Variants in SDHB observed in about 807,000 individuals in gnomAD.
The protein encoded by SDHB is succinate dehydrogenase [ubiquinone] iron-sulfur subunit, mitochondrial.
A neutral mutation model predicts 39.7 loss-of-function variants in SDHB; 21 were observed. The ratio of observed to expected loss-of-function variants is 0.53; its 90% confidence interval spans 0.37 to 0.76. SDHB has a LOEUF of 0.76. Ranked by LOEUF, SDHB falls within the 30% of genes least tolerant of loss-of-function variation. The pLI, the probability that SDHB is intolerant of heterozygous loss-of-function variation, is 0.00. For synonymous variants in SDHB, 118 were observed against 117.0 expected, an observed-to-expected ratio of 1.01 and a Z score of -0.06; for missense variants, 343 against 350.9, an observed-to-expected ratio of 0.98 and a Z score of 0.18.
chr1:17,036,374 G>A (rs557518572), intron 2 of SDHB, among the ~76,000 whole-genome samples: 1 of 152,072 alleles, frequency 6.6e-6, no homozygotes, highest in South Asian at 2.1e-4. Context: ...GCAGTGTTGT[G>A]ATCACAGCTC....
intron 7 of SDHB, among the ~76,000 whole-genome samples, chr1:17,022,253 T>C (rs985512269): frequency 3.3e-5 from 5 of 152,194 alleles, no homozygotes; most frequent in African/African-American, 7.2e-5. Flanking sequence ...GCGAGAAAGA[T>C]GGAGAAGAAA....
chr1:17,022,244 C>A (rs1388694864), intron 7 of SDHB, among the ~76,000 whole-genome samples: 1 of 152,214 alleles, frequency 6.6e-6, no homozygotes, highest in Non-Finnish European at 1.5e-5. Context: ...GCTGACATCG[C>A]GAGAAAGATG....
In SDHB at chr1:17,029,093, GTTTTTTTTTTTTTT is replaced by G. The variant is rs746243819; in HGVS notation, c.287-371_287-358del. On this transcript the variant is annotated intron_variant, in intron 3 of 7. Coordinates refer to ENST00000375499, the MANE Select transcript of SDHB (RefSeq NM_003000.3). Reference sequence around the variant, plus strand: ...ACGTGTTTTGAAGAAAAATCAGCCTGTTTTTTTTTTTTTTTTTTTTTTTTTTTTTAAAGAAAGGG... The same window carrying G: ...ACGTGTTTTGAAGAAAAATCAGCCTGTTTTTTTTTTTTTTTAAAGAAAGGG... Among the ~76,000 whole-genome samples the G allele has an allele frequency of 5.4e-3, 392 of 72,042 alleles. 6 individuals are homozygous for G. Among genetic ancestry groups the G allele is most frequent in the Non-Finnish European group, 6.8e-3 (287 of 42,028 alleles). 47.3% of individuals were successfully genotyped at this position (72,042 alleles called of 152,430 possible). A position where few individuals can be genotyped will look rare whatever the true frequency, so the allele number is the denominator to read the frequency against.
At chr1:17,042,610 T>C (rs1326519417) in intron 2 of SDHB, among the ~76,000 whole-genome samples, 6 of 152,082 alleles carry the variant, frequency 3.9e-5, no homozygotes, top group Admixed American at 3.3e-4. Context: ...AAACTCAATT[T>C]CTACAAAAAA....
chr1:17,021,302 G>C (rs1361550339), intron 7 of SDHB, among the ~76,000 whole-genome samples: 1 of 152,230 alleles, frequency 6.6e-6, no homozygotes, highest in Non-Finnish European at 1.5e-5. Flanking sequence ...GTTTGGATTA[G>C]TCAGGTGTGG....
intron 1 of SDHB, among the ~76,000 whole-genome samples, chr1:17,053,129 C>T (rs1281057322): frequency 2.0e-5 from 3 of 152,130 alleles, no homozygotes; most frequent in African/African-American, 7.2e-5. Flanking sequence ...AATTTCCCTT[C>T]CCCTTCTAAA....
At chr1:17,039,143 T>C (rs562471407) in intron 2 of SDHB, among the ~76,000 whole-genome samples, 1 of 152,276 alleles carries the variant, frequency 6.6e-6, no homozygotes, top group South Asian at 2.1e-4. Context: ...TTTAGGTCTA[T>C]CATTTTACTA....
intron 2 of SDHB, among the ~76,000 whole-genome samples, chr1:17,043,517 T>C (rs2078092789): frequency 6.6e-6 from 1 of 152,182 alleles, no homozygotes; most frequent in African/African-American, 2.4e-5. Flanking sequence ...AAGCTTTTGT[T>C]TGAAACAAAT....
intron 2 of SDHB, among the ~76,000 whole-genome samples, chr1:17,042,383 C>T (rs905345931): frequency 2.0e-5 from 3 of 152,016 alleles, no homozygotes; most frequent in Non-Finnish European, 4.4e-5. Context: ...TATTTTTTTC[C>T]GGAGTTGATC....
At chr1:17,041,540 T>C (rs1258626384) in intron 2 of SDHB, among the ~76,000 whole-genome samples, 2 of 151,972 alleles carry the variant, frequency 1.3e-5, no homozygotes, top group Non-Finnish European at 2.9e-5. Context: ...CGCGCGCCTG[T>C]AGTCCCAGCT....
At chr1:17,053,835 C>A in intron 1 of SDHB, 113 bp downstream of exon 1, 2 of 781,442 alleles carry the variant, frequency 2.6e-6, no homozygotes, top group South Asian at 2.9e-5. Context: ...AGGAGGTCCT[C>A]CATCTCCCTG....
intron 5 of SDHB, among the ~76,000 whole-genome samples, chr1:17,024,794 G>A (rs964782818): frequency 1.3e-5 from 2 of 152,090 alleles, no homozygotes; most frequent in East Asian, 1.9e-4. Context: ...AACACAAACC[G>A]GACTTTCTGA....
Position 17,053,930 on chromosome 1 carries a change from T to C in SDHB, c.72+18A>G, listed in dbSNP as rs758905319. The C allele has an allele frequency of 1.2e-6, 2 of 1,605,636 alleles. No individual in the cohort carries two copies. Among genetic ancestry groups the C allele is most frequent in the Admixed American group, 3.3e-5 (2 of 59,766 alleles). On this transcript the variant is annotated intron_variant, in intron 1 of 7. Transcript: ENST00000375499. ...GTGGCTTTCCTGACTTTTCCCTCTC[T>C]GAGGCTCCAGGACTCACCTGCAGGC...
chr1:17,021,856 T>C (rs2077963657), intron 7 of SDHB, among the ~76,000 whole-genome samples: 2 of 152,234 alleles, frequency 1.3e-5, no homozygotes, highest in Non-Finnish European at 2.9e-5. Context: ...CGCCAGCCTC[T>C]AGAGCTGTGC....
intron 3 of SDHB, among the ~76,000 whole-genome samples, chr1:17,031,089 G>A (rs1471321030): frequency 2.6e-5 from 4 of 151,526 alleles, no homozygotes; most frequent in African/African-American, 7.3e-5. Context: ...GCGCCCAGTC[G>A]GTTATCACTT....
Position 17,024,968 on chromosome 1 carries a change from C to T in SDHB, c.541-894G>A, listed in dbSNP as rs2077983583. 1.3e-5 allele frequency among the ~76,000 whole-genome samples: 2 copies of T among 152,198 alleles called. 1 individual carries two copies. Among genetic ancestry groups the T allele is most frequent in the South Asian group, 4.1e-4 (2 of 4,832 alleles). Reference sequence around the variant, plus strand: ...TCCAGACAGCTGGTGGGAGTGTCAACTGGCCCCACTGGTCTAGAAGGCATA... The same window carrying T: ...TCCAGACAGCTGGTGGGAGTGTCAATTGGCCCCACTGGTCTAGAAGGCATA... On this transcript the variant is annotated intron_variant, in intron 5 of 7. Coordinates refer to ENST00000375499, the MANE Select transcript of SDHB (RefSeq NM_003000.3).
intron 1 of SDHB, among the ~76,000 whole-genome samples, chr1:17,053,227 T>C (rs1330576183): frequency 6.6e-6 from 1 of 152,168 alleles, no homozygotes; most frequent in Non-Finnish European, 1.5e-5. Flanking sequence ...CACGGCATAG[T>C]AATAAACAAG....
chr1:17,034,118 G>T (rs190983071), intron 2 of SDHB, among the ~76,000 whole-genome samples: 19 of 151,734 alleles, frequency 1.3e-4, no homozygotes, highest in Admixed American at 1.1e-3. Flanking sequence ...TTAAAAATAC[G>T]TCATTTCCTT....
intron 2 of SDHB, among the ~76,000 whole-genome samples, chr1:17,039,787 A>G (rs2078070685): frequency 6.6e-6 from 1 of 152,192 alleles, no homozygotes; most frequent in South Asian, 2.1e-4. Context: ...TATAGTTATC[A>G]TATGCCTTAC....
Sources: allele counts gnomAD v4.1 joint callset (sites outside exome capture counted in the v4.1 genomes callset), GRCh38; gene constraint gnomAD v4.1.1; transcripts MANE v1.5; gene names NCBI Gene and HGNC (gene_info 2026-07-23, HGNC 2026-07-21).